The following ORC3 variants were observed in gnomAD, a reference collection of about 807,000 sequenced individuals.
ORC3 encodes homolog of latheo, Drosophila.
A neutral mutation model predicts 100.7 loss-of-function variants in ORC3; 78 were observed. That is an observed-to-expected ratio of 0.77 (90% CI 0.65 to 0.94). The LOEUF (loss-of-function observed/expected upper bound fraction) is 0.94. ORC3 is among the 40% of genes least tolerant of loss of function. ORC3 has a pLI of 0.00. For missense variants in ORC3, 789 were observed against 823.9 expected, an observed-to-expected ratio of 0.96 and a Z score of 0.52; for synonymous variants, 295 against 289.3, an observed-to-expected ratio of 1.02 and a Z score of -0.20.
At chr6:87,665,707 G>A in intron 18 of ORC3, 47 bp from the exon 19 acceptor site, 1 of 1,090,660 alleles carries the variant, frequency 9.2e-7, no homozygotes, top group Non-Finnish European at 1.4e-6. Context: ...AAAGATGTTT[G>A]GCAACTGTAG....
chr6:87,596,177 C>A (rs4707378), intron 2 of ORC3, among the ~76,000 whole-genome samples: 46,542 of 148,232 alleles, frequency 0.31, 7,394 homozygotes, highest in Admixed American at 0.41. Context: ...TTTTTTGAGA[C>A]GGAGTCTAGC....
At chr6:87,666,129 T>TTTTG (rs886780749) in intron 19 of ORC3, among the ~76,000 whole-genome samples, 14 of 152,176 alleles carry the variant, frequency 9.2e-5, no homozygotes, top group African/African-American at 2.2e-4. Context: ...TTTTTGTTTT[T>TTTTG]TTTGTTTGTT....
chr6:87,632,026 T>TTA (rs1197810357), intron 11 of ORC3, among the ~76,000 whole-genome samples: 2 of 151,898 alleles, frequency 1.3e-5, no homozygotes, highest in East Asian at 3.9e-4. Context: ...TAACCAGGCA[T>TTA]TATGGCAGGC....
At position 87,637,389 on chromosome 6, in the gene ORC3, A is replaced by G. The variant is rs148742349; in HGVS notation, c.1382+903A>G. On this transcript the variant is annotated intron_variant, in intron 13 of 19. Transcript: ENST00000392844. ...AATGAATTTCATGCTATCTGGAAAA[A>G]TACCTCCCCATGGAAACTAGATTGC... is the stretch of plus-strand genomic sequence containing the variant. Among the ~76,000 whole-genome samples, 654 of 152,280 alleles carry G rather than the reference A, an allele frequency of 4.3e-3. 2 individuals are homozygous for G. Among genetic ancestry groups the G allele is most frequent in the African/African-American group, 0.015 (610 of 41,558 alleles).
At chr6:87,602,954 A>AATATATATATATATATATATTAT (rs397935596) in intron 3 of ORC3, among the ~76,000 whole-genome samples, 29 of 95,258 alleles carry the variant, frequency 3.0e-4, no homozygotes, top group African/African-American at 1.2e-3. Flanking sequence ...ACACATATAT[A>AATATATATATATATATATATTAT]ATATATATAT....
chr6:87,616,672 G>A (rs1779175152), intron 9 of ORC3, among the ~76,000 whole-genome samples: 2 of 152,136 alleles, frequency 1.3e-5, no homozygotes, highest in African/African-American at 2.4e-5. Context: ...CATTTTGGGG[G>A]TAGGGGCAAG....
At chr6:87,595,115 T>C (rs1777337968) in intron 2 of ORC3, 1 of 152,242 alleles carries the variant, frequency 6.6e-6, no homozygotes, top group Non-Finnish European at 1.5e-5. Flanking sequence ...TAGGGATAAA[T>C]GCTGTGCACA....
chr6:87,671,950 C>A (rs915547901), downstream of ORC3, among the ~76,000 whole-genome samples: 8 of 152,080 alleles, frequency 5.3e-5, no homozygotes, highest in African/African-American at 1.9e-4. Context: ...AAACTTTAGA[C>A]CTTTCAGTTT....
chr6:87,622,027 T>C lies in ORC3; in HGVS notation c.1185+14T>C, dbSNP rs113968930. On this transcript the variant is annotated intron_variant, in intron 11 of 19. Coordinates refer to ENST00000392844, the MANE Select transcript of ORC3 (RefSeq NM_012381.4). Reference sequence around the variant, plus strand: ...AGATATTTGAAGGTAGGAATGTGAATGTGTTTCAGTTTCATTCTCTTTTTC... The same window carrying C: ...AGATATTTGAAGGTAGGAATGTGAACGTGTTTCAGTTTCATTCTCTTTTTC... 27 of 1,554,824 alleles carry C rather than the reference T, an allele frequency of 1.7e-5. No individual in the cohort carries two copies. In the East Asian group the frequency reaches 2.5e-4, roughly 14 times the overall value.
At chr6:87,620,992 T>C (rs1441630490) in intron 9 of ORC3, among the ~76,000 whole-genome samples, 1 of 152,190 alleles carries the variant, frequency 6.6e-6, no homozygotes, top group African/African-American at 2.4e-5. Flanking sequence ...ATTGGCATTT[T>C]CTTATGAGTT....
At chr6:87,602,962 T>TATATATATATATATATATATATATA (rs1778061266) in intron 3 of ORC3, among the ~76,000 whole-genome samples, 1 of 57,020 alleles carries the variant, frequency 1.8e-5, no homozygotes, top group Non-Finnish European at 3.4e-5. Flanking sequence ...ATAATATATA[T>TATATATATATATATATATATATATA]ATATATATAC....
chr6:87,600,195 A>G (rs1264529527), intron 2 of ORC3, among the ~76,000 whole-genome samples: 2 of 152,250 alleles, frequency 1.3e-5, no homozygotes, highest in Admixed American at 6.5e-5. Flanking sequence ...ATCAGTTAAC[A>G]TTAAAACTTG....
Position 87,636,355 on chromosome 6 carries a change from T to C in ORC3, c.1303-52T>C. Reference sequence around the variant, plus strand: ...TGACCAGAAATGATTTTTGCCAAACTAGTAGTGTGTATACACTTTTGGTTC... The same window carrying C: ...TGACCAGAAATGATTTTTGCCAAACCAGTAGTGTGTATACACTTTTGGTTC... On this transcript the variant is annotated intron_variant, in intron 12 of 19. Transcript: ENST00000392844. The C allele has an allele frequency of 5.7e-6, 6 of 1,044,120 alleles. No homozygotes were observed. The Admixed American group carries it at 1.2e-4, about 22-fold the overall frequency. 64.7% of individuals were successfully genotyped at this position (1,044,120 alleles called of 1,614,324 possible).
chr6:87,664,947 G>T, intron 18 of ORC3, 88 bp downstream of exon 18: 1 of 746,658 alleles, frequency 1.3e-6, no homozygotes. Context: ...TTAGTGCTTT[G>T]GAATTTATCT....
chr6:87,639,895 G>A (rs148026412), intron 13 of ORC3, among the ~76,000 whole-genome samples: 99 of 151,952 alleles, frequency 6.5e-4, no homozygotes, highest in African/African-American at 2.3e-3. Context: ...ATCCTTGGAG[G>A]CTGAGGTGGG....
In ORC3 at chr6:87,603,781, C is replaced by T. The variant is rs1008212814; in HGVS notation, c.322+253C>T. Among the ~76,000 whole-genome samples the T allele has an allele frequency of 5.9e-5, 9 of 152,100 alleles. No homozygotes were observed. In the East Asian group the frequency reaches 1.4e-3, roughly 23 times the overall value. ...GCTAATGTTCTCCCCAACTTTTGGTCGGAAGGGAAAATATATTTGTTTTAC... is the reference window on the plus strand; with the variant it reads ...GCTAATGTTCTCCCCAACTTTTGGTTGGAAGGGAAAATATATTTGTTTTAC... On this transcript the variant is annotated intron_variant, in intron 4 of 19. Transcript: ENST00000392844.
intron 11 of ORC3, among the ~76,000 whole-genome samples, chr6:87,632,380 A>G (rs1562354791): frequency 6.9e-6 from 1 of 144,628 alleles, no homozygotes; most frequent in Non-Finnish European, 1.5e-5. Flanking sequence ...CATAAGGTGA[A>G]GATCTGGGAT....
At chr6:87,652,256 T>C (rs1334652863) in intron 13 of ORC3, among the ~76,000 whole-genome samples, 1 of 152,222 alleles carries the variant, frequency 6.6e-6, no homozygotes, top group Non-Finnish European at 1.5e-5. Flanking sequence ...CTGAGAATAA[T>C]TTGAATATTT....
intron 17 of ORC3, among the ~76,000 whole-genome samples, chr6:87,663,559 T>C (rs2128295761): frequency 6.6e-6 from 1 of 152,232 alleles, no homozygotes; most frequent in Non-Finnish European, 1.5e-5. Flanking sequence ...AGAAATACTT[T>C]GGGACTTCAT....
Sources: allele counts gnomAD v4.1 joint callset (sites outside exome capture counted in the v4.1 genomes callset), GRCh38; gene constraint gnomAD v4.1.1; transcripts MANE v1.5; gene names NCBI Gene and HGNC (gene_info 2026-07-23, HGNC 2026-07-21).